TNFSF11: variants seen among roughly 807,000 people sequenced by gnomAD.
The protein encoded by TNFSF11 is tumor necrosis factor ligand superfamily member 11.
TNFSF11 carries 12 observed loss-of-function variants against 32.2 expected under a neutral mutation model. The observed-to-expected ratio is 0.37, with a 90% CI of 0.24 to 0.60. The LOEUF (loss-of-function observed/expected upper bound fraction) is 0.60. Among genes scored for constraint, TNFSF11 ranks in the 20% least tolerant of loss-of-function variants. TNFSF11 has a pLI of 0.66. For synonymous variants in TNFSF11, 172 were observed against 152.1 expected (o/e 1.13, Z -0.96); for missense variants, 345 against 398.0 (o/e 0.87, Z 1.13).
At chr13:42,596,304 T>A (rs1868805653) in intron 2 of TNFSF11, among the ~76,000 whole-genome samples, 1 of 152,122 alleles carries the variant, frequency 6.6e-6, no homozygotes, top group Non-Finnish European at 1.5e-5. Context: ...CTGAAGCCCC[T>A]GGGAATTCTG....
intron 2 of TNFSF11, among the ~76,000 whole-genome samples, chr13:42,567,024 AAAT>A (rs1872896433): frequency 6.9e-6 from 1 of 145,624 alleles, no homozygotes; most frequent in Admixed American, 6.9e-5. Context: ...TAAATAAATA[AAAT>A]GAAACTGCAA....
At chr13:42,567,160 T>A (rs1302636810) in intron 2 of TNFSF11, among the ~76,000 whole-genome samples, 2 of 152,216 alleles carry the variant, frequency 1.3e-5, no homozygotes, top group African/African-American at 4.8e-5. Flanking sequence ...ATTTAGGAAA[T>A]GAATACAATA....
intron 4 of TNFSF11, among the ~76,000 whole-genome samples, chr13:42,605,689 G>A (rs1300357256): frequency 1.3e-5 from 2 of 152,336 alleles, no homozygotes; most frequent in African/African-American, 4.8e-5. Context: ...GTCAGGAGAA[G>A]CTTTACAGAC....
intron 2 of TNFSF11, among the ~76,000 whole-genome samples, chr13:42,599,819 G>A (rs142659839): frequency 7.8e-4 from 118 of 152,194 alleles, no homozygotes; most frequent in African/African-American, 2.3e-3. Context: ...ATCCGCCCAT[G>A]CCAGCCTCCC....
chr13:42,596,103 G>A (rs1190064463), intron 2 of TNFSF11, among the ~76,000 whole-genome samples: 1 of 152,168 alleles, frequency 6.6e-6, no homozygotes, highest in East Asian at 1.9e-4. Flanking sequence ...TCTGTGTTTG[G>A]CATGTGCATA....
At chr13:42,584,149 CTA>C (rs1282747398) in intron 2 of TNFSF11, among the ~76,000 whole-genome samples, 2 of 152,144 alleles carry the variant, frequency 1.3e-5, no homozygotes, top group African/African-American at 4.8e-5. Context: ...AAAGACATAA[CTA>C]TGCACAGTCA....
chr13:42,566,994 AAAAT>A (rs138593238), intron 2 of TNFSF11, among the ~76,000 whole-genome samples: 88,202 of 149,418 alleles, frequency 0.59, 26,527 homozygotes, highest in African/African-American at 0.69. Context: ...TCTGTCTCAA[AAAAT>A]AAATAAATAA....
chr13:42,595,435 A>T (rs561087838), intron 2 of TNFSF11, among the ~76,000 whole-genome samples: 2 of 152,300 alleles, frequency 1.3e-5, no homozygotes, highest in African/African-American at 4.8e-5. Context: ...CTAGCGTGTA[A>T]CAGATGATGA....
At chr13:42,569,504 C>T (rs1426128108), upstream of TNFSF11, among the ~76,000 whole-genome samples, 15 of 149,168 alleles carry the variant, frequency 1.0e-4, 1 homozygote, top group African/African-American at 2.7e-4. Flanking sequence ...GCCGAGATTG[C>T]GCCACTGCAC....
At chr13:42,585,735 C>T (rs1873864961) in intron 2 of TNFSF11, among the ~76,000 whole-genome samples, 1 of 152,136 alleles carries the variant, frequency 6.6e-6, no homozygotes, top group East Asian at 1.9e-4. Context: ...GCCCATAGAC[C>T]CCCTGGCCAG....
In TNFSF11 at chr13:42,597,340, C is replaced by CTTTT. The variant is rs774612741; in HGVS notation, c.388-3394_388-3391dup. Among the ~76,000 whole-genome samples the CTTTT allele has an allele frequency of 8.7e-4, 110 of 125,742 alleles. 2 individuals carry two copies. The highest frequency in any genetic ancestry group is 2.9e-3 in the South Asian group (11 of 3,778). 82.5% of individuals were successfully genotyped at this position (125,742 alleles called of 152,430 possible). ...ATCCTGGGTCATGAAGCCTTTTGTT[C>CTTTT]TTTTTTTTTTTTTTTTTTTTTAAAG... On this transcript the variant is annotated intron_variant, in intron 2 of 4. Transcript: ENST00000398795.
At chr13:42,590,353 A>C (rs1197475688) in intron 2 of TNFSF11, among the ~76,000 whole-genome samples, 1 of 152,168 alleles carries the variant, frequency 6.6e-6, no homozygotes, top group African/African-American at 2.4e-5. Context: ...CTTCTTTGAG[A>C]GGAGAGCTCT....
At chr13:42,579,117 G>T (rs903067674) in intron 1 of TNFSF11, among the ~76,000 whole-genome samples, 54 of 152,130 alleles carry the variant, frequency 3.5e-4, no homozygotes, top group African/African-American at 1.3e-3. Flanking sequence ...TAGGGTTCGG[G>T]TGCAGTGGCT....
intron 1 of TNFSF11, among the ~76,000 whole-genome samples, chr13:42,576,983 G>A (rs924898505): frequency 6.6e-6 from 1 of 152,156 alleles, no homozygotes; most frequent in Non-Finnish European, 1.5e-5. Context: ...CATTTGACTT[G>A]CCGCTGATTT....
At chr13:42,606,019 A>C (rs1475386206) in intron 4 of TNFSF11, among the ~76,000 whole-genome samples, 3 of 152,092 alleles carry the variant, frequency 2.0e-5, no homozygotes, top group South Asian at 4.1e-4. Flanking sequence ...CCTTTGGCTT[A>C]TCTCTTCCTT....
At chr13:42,588,346 T>G (rs1222571605) in intron 2 of TNFSF11, among the ~76,000 whole-genome samples, 3 of 152,040 alleles carry the variant, frequency 2.0e-5, no homozygotes, top group Admixed American at 6.6e-5. Flanking sequence ...AACCGGTGAG[T>G]TATGTCAGAG....
Position 42,564,116 on chromosome 13 carries a change from GTTAA to G in TNFSF11, c.-302+1157_-302+1160del, listed in dbSNP as rs570960975. Among the ~76,000 whole-genome samples the G allele has an allele frequency of 5.6e-3, 844 of 151,922 alleles. 6 individuals are homozygous for G. Among genetic ancestry groups the G allele is most frequent in the South Asian group, 0.029 (139 of 4,820 alleles). On this transcript the variant is annotated intron_variant, in intron 1 of 6. Transcript: ENST00000358545. ...TCCAGTCTGTTATTAAGTTAATCTAGTTAATTATTAATTTTAGATATTTTATTTT... is the reference window on the plus strand; with the variant it reads ...TCCAGTCTGTTATTAAGTTAATCTAGTTATTAATTTTAGATATTTTATTTT...
intron 1 of TNFSF11, among the ~76,000 whole-genome samples, chr13:42,580,577 T>G (rs1355247520): frequency 6.6e-6 from 1 of 152,194 alleles, no homozygotes; most frequent in Non-Finnish European, 1.5e-5. Context: ...AAGTTTTGTT[T>G]GGAGGTAAAA....
chr13:42,607,241 C>A lies in TNFSF11; in HGVS notation c.*323C>A. On this transcript the variant is annotated 3_prime_UTR_variant, in exon 5 of 5. Transcript: ENST00000398795. ...AGGGGTTGGTCCCTGGTCATGTGCC[C>A]CTTCGCAGCTGAAGTGGAGAGGGTG... The A allele has an allele frequency of 3.8e-6, 1 of 261,590 alleles. No homozygotes were observed. The highest frequency in any genetic ancestry group is 7.3e-6 in the Non-Finnish European group (1 of 136,846). The allele number at this position is 261,590 out of a possible 1,614,324, so 16.2% of individuals were successfully genotyped here.
Sources: allele counts gnomAD v4.1 joint callset (sites outside exome capture counted in the v4.1 genomes callset), GRCh38; gene constraint gnomAD v4.1.1; transcripts MANE v1.5; gene names NCBI Gene and HGNC (gene_info 2026-07-23, HGNC 2026-07-21).